The following KIF5A variants were observed in gnomAD, a reference collection of about 807,000 sequenced individuals.
KIF5A encodes the protein kinesin heavy chain isoform 5A.
KIF5A carries 35 observed loss-of-function variants against 141.3 expected under a neutral mutation model. The ratio of observed to expected loss-of-function variants is 0.25; its 90% confidence interval spans 0.19 to 0.33. The LOEUF (loss-of-function observed/expected upper bound fraction) is 0.33, where lower values mean the gene tolerates loss of function less well. Among genes scored for constraint, KIF5A ranks in the 10% least tolerant of loss-of-function variants. The pLI, the probability that KIF5A is intolerant of heterozygous loss-of-function variation, is 1.00. For missense variants in KIF5A, 861 were observed against 1,314.3 expected, an observed-to-expected ratio of 0.66 and a Z score of 5.33; for synonymous variants, 448 against 500.2, an observed-to-expected ratio of 0.90 and a Z score of 1.39.
chr12:57,569,934 G>C, intron 11 of KIF5A, 53 bp from the exon 12 acceptor site: 1 of 1,590,626 alleles, frequency 6.3e-7, no homozygotes, highest in South Asian at 1.1e-5. Flanking sequence ...GGAAGAACTC[G>C]TGGATGCAGC....
chr12:57,556,551 C>CT (rs1177506690), intron 1 of KIF5A, among the ~76,000 whole-genome samples: 3 of 151,812 alleles, frequency 2.0e-5, no homozygotes, highest in Non-Finnish European at 4.4e-5. Context: ...TGAAAAGGGG[C>CT]TATAATTGGC....
chr12:57,566,617 C>T (rs559947436), intron 6 of KIF5A, among the ~76,000 whole-genome samples: 100 of 152,060 alleles, frequency 6.6e-4, no homozygotes, highest in African/African-American at 2.4e-3. Flanking sequence ...GCCATGTTGG[C>T]CAGGCTGGTC....
chr12:57,581,295 A>G, intron 24 of KIF5A, 120 bp from the exon 25 acceptor site: 1 of 1,530,646 alleles, frequency 6.5e-7, no homozygotes, highest in South Asian at 1.1e-5. Flanking sequence ...CTTCCCCCCA[A>G]AAAGTAAAAA....
chr12:57,574,276 T>G (rs1379981765), intron 15 of KIF5A, among the ~76,000 whole-genome samples: 3 of 44,360 alleles, frequency 6.8e-5, no homozygotes, highest in African/African-American at 2.1e-4. Flanking sequence ...CAGAATTGGA[T>G]TTTTTTTTTT....
intron 1 of KIF5A, among the ~76,000 whole-genome samples, chr12:57,563,046 C>T (rs1299615995): frequency 6.7e-6 from 1 of 149,100 alleles, no homozygotes; most frequent in African/African-American, 2.5e-5. Context: ...CTCGCTCTAT[C>T]GCCAGGCTGG....
intron 11 of KIF5A, 112 bp downstream of exon 11, chr12:57,569,795 C>A: frequency 6.6e-7 from 1 of 1,508,268 alleles, no homozygotes; most frequent in South Asian, 1.3e-5. Context: ...AGAAGAGGGG[C>A]TGTGTTTCTG....
rs1882611198 is a variant in KIF5A, at chr12:57,581,800, G to A, written c.2910-70G>A. ...AGCAGCTCTATCACTGAGGATGAGTGTGGATTAGTGGTCCTCAGACTAGTG... is the reference window on the plus strand; with the variant it reads ...AGCAGCTCTATCACTGAGGATGAGTATGGATTAGTGGTCCTCAGACTAGTG... On this transcript the variant is annotated intron_variant, in intron 25 of 28. Coordinates refer to ENST00000455537, the MANE Select transcript of KIF5A (RefSeq NM_004984.4). 4 of 1,404,468 alleles carry A rather than the reference G, an allele frequency of 2.8e-6. No individual in the cohort carries two copies. The Admixed American group carries it at 5.0e-5, about 18-fold the overall frequency. The allele number at this position is 1,404,468 out of a possible 1,614,324, so 87.0% of individuals were successfully genotyped here.
At position 57,584,280 on chromosome 12, in the gene KIF5A, TC is replaced by T. The variant is rs996574013; in HGVS notation, c.*102del. The T allele has an allele frequency of 1.3e-5, 2 of 152,586 alleles. No homozygotes were observed. Among genetic ancestry groups the T allele is most frequent in the African/African-American group, 2.4e-5 (1 of 41,394 alleles). 9.5% of individuals were successfully genotyped at this position (152,586 alleles called of 1,614,324 possible). A position where few individuals can be genotyped will look rare whatever the true frequency, so the allele number is the denominator to read the frequency against. ...CAAACCTGTGGTCTCTGATACTAAC[TC>T]CCTCCCCAACCCCTGTTGTTGGACT... On this transcript the variant is annotated 3_prime_UTR_variant, in exon 29 of 29. Coordinates refer to ENST00000455537, the MANE Select transcript of KIF5A (RefSeq NM_004984.4).
chr12:57,565,015 G>A, intron 6 of KIF5A, 42 bp downstream of exon 6: 4 of 1,577,638 alleles, frequency 2.5e-6, no homozygotes, highest in Non-Finnish European at 3.5e-6. Flanking sequence ...CCAGTGTATT[G>A]AGAATGTTGG....
Position 57,582,844 on chromosome 12 carries a change from C to G in KIF5A, c.3020+215C>G, listed in dbSNP as rs555889785. 351 of 637,406 alleles carry G rather than the reference C, an allele frequency of 5.5e-4. 1 individual carries two copies. Among genetic ancestry groups the G allele is most frequent in the African/African-American group, 4.2e-3 (232 of 54,950 alleles). 39.5% of individuals were successfully genotyped at this position (637,406 alleles called of 1,614,324 possible). A position where few individuals can be genotyped will look rare whatever the true frequency, so the allele number is the denominator to read the frequency against. On this transcript the variant is annotated intron_variant, in intron 27 of 28. Coordinates refer to ENST00000455537, the MANE Select transcript of KIF5A (RefSeq NM_004984.4). ...TCCTCCAATCCCATCTGTGGCTTCTCCCTATTCCAGTGATAAGGTCTGGAC... is the reference window on the plus strand; with the variant it reads ...TCCTCCAATCCCATCTGTGGCTTCTGCCTATTCCAGTGATAAGGTCTGGAC...
chr12:57,557,225 C>A (rs1372708295), intron 1 of KIF5A, among the ~76,000 whole-genome samples: 1 of 151,192 alleles, frequency 6.6e-6, no homozygotes, highest in Non-Finnish European at 1.5e-5. Context: ...GTCAATAAGT[C>A]TTATGTCACA....
chr12:57,571,518 C>G (rs971471915), intron 13 of KIF5A, 129 bp downstream of exon 13: 1 of 852,940 alleles, frequency 1.2e-6, no homozygotes, highest in Non-Finnish European at 1.9e-6. Flanking sequence ...CTCCCCTAAA[C>G]AGCAGAAGTC....
intron 23 of KIF5A, among the ~76,000 whole-genome samples, chr12:57,580,036 C>G (rs1882547984): frequency 6.6e-6 from 1 of 152,294 alleles, no homozygotes; most frequent in Non-Finnish European, 1.5e-5. Flanking sequence ...GACTATAGCC[C>G]TATATCAATT....
At position 57,572,669 on chromosome 12, in the gene KIF5A, G is replaced by A. The variant is rs762078180; in HGVS notation, c.1659G>A (p.Gly553=). 6.2e-7 allele frequency: 1 copy of A among 1,614,242 alleles called. No homozygotes were observed. The highest frequency in any genetic ancestry group is 8.5e-7 in the Non-Finnish European group (1 of 1,180,042). Reference sequence around the variant, plus strand: ...AACGAATTGCTGAGGTGCTGAACGGGCTGATGAAGGATCTGAGCGAGTTCA... The same window carrying A: ...AACGAATTGCTGAGGTGCTGAACGGACTGATGAAGGATCTGAGCGAGTTCA... ...QRKRIAEVLN[G]LMKDLSEFSV... Residue 553 remains glycine, a synonymous_variant, in exon 15 of 29, where the codon GGG becomes GGA. Coordinates refer to ENST00000455537, the MANE Select transcript of KIF5A (RefSeq NM_004984.4). This position sits in a 1 kb window ranked among gnomAD's most constrained non-coding sequence, Gnocchi z 4.2.
In KIF5A at chr12:57,583,195, G is replaced by A; in HGVS notation, c.*16G>A. 1 of 1,610,554 alleles carries A rather than the reference G, an allele frequency of 6.2e-7. No individual in the cohort carries two copies. The highest frequency in any genetic ancestry group is 8.5e-7 in the Non-Finnish European group (1 of 1,177,652). ...AGCCAGCTAATCTCCCACACCCACGGCTGCATACCTGCACTTTCAGGTAGC... is the reference window on the plus strand; with the variant it reads ...AGCCAGCTAATCTCCCACACCCACGACTGCATACCTGCACTTTCAGGTAGC... On this transcript the variant is annotated 3_prime_UTR_variant, in exon 28 of 29. Transcript: ENST00000455537.
chr12:57,581,313 A>T (rs890393914), intron 24 of KIF5A, 102 bp from the exon 25 acceptor site: 1 of 1,557,042 alleles, frequency 6.4e-7, no homozygotes, highest in Non-Finnish European at 8.8e-7. Context: ...AAAAGTGATT[A>T]TGTTACAAGC....
Position 57,576,638 on chromosome 12 carries a change from T to C in KIF5A, c.2199-123T>C, listed in dbSNP as rs569790860. The C allele has an allele frequency of 1.8e-5, 14 of 788,384 alleles. No homozygotes were observed. In the East Asian group the frequency reaches 3.3e-4, roughly 19 times the overall value. The allele number at this position is 788,384 out of a possible 1,614,324, so 48.8% of individuals were successfully genotyped here. ...TGAGTCTGCCTCTGGTATCTGAAGG[T>C]GGACACATCAATTCTAACTGGACTC... On this transcript the variant is annotated intron_variant, in intron 19 of 28. Transcript: ENST00000455537.
chr12:57,559,505 A>C (rs1039680299), intron 1 of KIF5A, among the ~76,000 whole-genome samples: 1 of 152,210 alleles, frequency 6.6e-6, no homozygotes, highest in Non-Finnish European at 1.5e-5. Flanking sequence ...TTTAGGAGCC[A>C]CTATAACATC....
intron 27 of KIF5A, 134 bp downstream of exon 27, chr12:57,582,763 A>T: frequency 2.5e-6 from 2 of 798,058 alleles, no homozygotes; most frequent in South Asian, 2.8e-5. Flanking sequence ...TCTTTTCATC[A>T]CTGTGTTGTC....
Sources: allele counts gnomAD v4.1 joint callset (sites outside exome capture counted in the v4.1 genomes callset), GRCh38; gene constraint gnomAD v4.1.1; non-coding constraint Gnocchi (gnomAD v3.1); transcripts MANE v1.5; gene names NCBI Gene and HGNC (gene_info 2026-07-23, HGNC 2026-07-21).